PXK: variants seen among roughly 807,000 people sequenced by gnomAD.
PXK encodes the protein PX domain containing serine/threonine kinase like.
Under a neutral mutation model 84.7 loss-of-function variants are expected in PXK, and 35 were observed. The observed-to-expected ratio is 0.41, with a 90% CI of 0.32 to 0.55. The LOEUF is 0.55. PXK is among the 20% of genes least tolerant of loss of function. The probability of loss-of-function intolerance (pLI) is 0.21; values close to 1 mark genes in which losing one functional copy is unlikely to be tolerated. For missense variants in PXK, 634 were observed against 699.7 expected, an observed-to-expected ratio of 0.91 and a Z score of 1.06; for synonymous variants, 253 against 260.8, an observed-to-expected ratio of 0.97 and a Z score of 0.29.
intron 13 of PXK, 25 bp from the exon 14 acceptor site, chr3:58,408,899 A>T (rs1576689718): frequency 6.7e-7 from 1 of 1,501,722 alleles, no homozygotes; most frequent in East Asian, 2.3e-5. Context: ...TTTTCAATAG[A>T]TGATGTACTT....
At chr3:58,376,694 C>T (rs978036494) in intron 3 of PXK, among the ~76,000 whole-genome samples, 1 of 151,982 alleles carries the variant, frequency 6.6e-6, no homozygotes, top group Non-Finnish European at 1.5e-5. Flanking sequence ...GGCTGGAGTG[C>T]AGTGGTGCCA....
intron 1 of PXK, among the ~76,000 whole-genome samples, chr3:58,335,573 G>C (rs1354225895): frequency 7.2e-6 from 1 of 139,582 alleles, no homozygotes; most frequent in Non-Finnish European, 1.5e-5. Flanking sequence ...TGGCTTTCCA[G>C]CTTGGTAGCT....
At chr3:58,361,406 T>A (rs1364714907) in intron 1 of PXK, among the ~76,000 whole-genome samples, 1 of 152,042 alleles carries the variant, frequency 6.6e-6, no homozygotes, top group Non-Finnish European at 1.5e-5. Flanking sequence ...AACCAGGATA[T>A]TGACAGTGAT....
rs923660764 is a variant in PXK at position 58,411,654 on chromosome 3, T to C, written c.1466-1247T>C. Among the ~76,000 whole-genome samples, 1 of 152,176 alleles carries C rather than the reference T, an allele frequency of 6.6e-6. No homozygotes were observed. The highest frequency in any genetic ancestry group is 1.5e-5 in the Non-Finnish European group (1 of 68,020). Reference sequence around the variant, plus strand: ...TGCCTGCCTGCAAAGCTGTGTCACATGAAGCCAGGTAGGACTCAAGGACTT... The same window carrying C: ...TGCCTGCCTGCAAAGCTGTGTCACACGAAGCCAGGTAGGACTCAAGGACTT... On this transcript the variant is annotated intron_variant, in intron 16 of 17. Transcript: ENST00000356151. This position sits in a 1 kb window ranked among gnomAD's most constrained non-coding sequence, Gnocchi z 4.2.
At chr3:58,381,209 A>G (rs1050351133) in intron 3 of PXK, among the ~76,000 whole-genome samples, 2 of 142,168 alleles carry the variant, frequency 1.4e-5, no homozygotes, top group Non-Finnish European at 1.5e-5. Flanking sequence ...AGATCACGCC[A>G]CTGCACTCCA....
At chr3:58,361,849 G>A (rs1576012300) in intron 1 of PXK, among the ~76,000 whole-genome samples, 2 of 152,226 alleles carry the variant, frequency 1.3e-5, no homozygotes, top group African/African-American at 2.4e-5. Context: ...CATTTCTTTG[G>A]AATAAATGTC....
intron 4 of PXK, among the ~76,000 whole-genome samples, chr3:58,384,421 A>G (rs1560011796): frequency 1.3e-5 from 2 of 152,240 alleles, no homozygotes; most frequent in Non-Finnish European, 2.9e-5. Flanking sequence ...TTTCAAACTC[A>G]CACTTACTGT....
intron 2 of PXK, among the ~76,000 whole-genome samples, chr3:58,366,419 G>T (rs933901878): frequency 6.6e-6 from 1 of 152,142 alleles, no homozygotes; most frequent in Non-Finnish European, 1.5e-5. Flanking sequence ...GCTTTCTTCA[G>T]TGGTGGCCTC....
chr3:58,410,173 G>A lies in PXK; in HGVS notation c.1465+14G>A. On this transcript the variant is annotated intron_variant, in intron 16 of 17. Transcript: ENST00000356151. Reference sequence around the variant, plus strand: ...CCAATAATTCAGGTAACTGGTTATAGATGGTAGTGGGGCCCAGGACACAGA... The same window carrying A: ...CCAATAATTCAGGTAACTGGTTATAAATGGTAGTGGGGCCCAGGACACAGA... 1.3e-6 allele frequency: 2 copies of A among 1,548,630 alleles called. No individual in the cohort carries two copies. Among genetic ancestry groups the A allele is most frequent in the Non-Finnish European group, 1.8e-6 (2 of 1,120,160 alleles).
Position 58,333,033 on chromosome 3 carries a change from C to A in PXK, c.45C>A (p.Asp15Glu). The stretch of plus-strand genomic sequence containing the variant: ...CGCCAGCCGGCAAGGTGCTGCTGGA[C>A]GACACGGTGCCGCTGACAGCAGCCA... ...EKPPAGKVLL[D>E]DTVPLTAAIE... The change falls in exon 1 of 18, where the codon GAC becomes GAA. Residue 15 changes from aspartate to glutamate, a missense_variant. Asp to Glu is a conservative substitution (Grantham distance 45). Around this residue, in one of 3 missense-constraint regions of PXK, gnomAD observed 353 missense variants for 385.2 expected, o/e 0.92. Coordinates refer to ENST00000356151, the MANE Select transcript of PXK (RefSeq NM_017771.5). The surrounding 1 kb of genome is among the most constrained non-coding windows in gnomAD (Gnocchi z 5.4). 1 of 1,358,320 alleles carries A rather than the reference C, an allele frequency of 7.4e-7. No individual in the cohort carries two copies. The highest frequency in any genetic ancestry group is 1.5e-5 in the South Asian group (1 of 67,558). 84.1% of individuals were successfully genotyped at this position (1,358,320 alleles called of 1,614,324 possible).
rs565036354 is a variant in PXK, at chr3:58,397,625, C to T, written c.1005C>T (p.Val335=). ...RKINTLESVD[V]HCFGHLLYEM... ...CACAGACATTGGAAAGTGTGGATGTCCACTGCTTTGGCCACTTACTGTATG... is the reference window on the plus strand; with the variant it reads ...CACAGACATTGGAAAGTGTGGATGTTCACTGCTTTGGCCACTTACTGTATG... Residue 335 remains valine, a synonymous_variant, in exon 11 of 18, where the codon GTC becomes GTT. Transcript: ENST00000356151. This position sits in a 1 kb window ranked among gnomAD's most constrained non-coding sequence, Gnocchi z 4.7. 63 of 1,613,962 alleles carry T rather than the reference C, an allele frequency of 3.9e-5. No homozygotes were observed. In the South Asian group the frequency reaches 6.3e-4, roughly 16 times the overall value.
intron 1 of PXK, among the ~76,000 whole-genome samples, chr3:58,345,771 A>G (rs1230697139): frequency 1.3e-5 from 2 of 152,192 alleles, no homozygotes; most frequent in Non-Finnish European, 2.9e-5. Context: ...AAGGGAAAAA[A>G]TATTTATGTT....
At chr3:58,378,507 TTTTTTTGTGTGTGTGTGTGTG>T (rs1400312691) in intron 3 of PXK, among the ~76,000 whole-genome samples, 3 of 105,102 alleles carry the variant, frequency 2.9e-5, no homozygotes, top group Admixed American at 2.0e-4. Flanking sequence ...TTTTTTTTTT[TTTTTTTGTGTGTGTGTGTGTG>T]TGTGTGTGTG....
chr3:58,333,048 G>T lies in PXK; in HGVS notation c.60G>T (p.Leu20=). The T allele has an allele frequency of 7.4e-7, 1 of 1,346,382 alleles. No homozygotes were observed. 83.4% of individuals were successfully genotyped at this position (1,346,382 alleles called of 1,614,324 possible). ...GKVLLDDTVP[L]TAAIEASQSL... ...TGCTGCTGGACGACACGGTGCCGCT[G>T]ACAGCAGCCATCGAGGCGAGCCAGA... Residue 20 remains leucine, a synonymous_variant, in exon 1 of 18, where the codon CTG becomes CTT. Coordinates refer to ENST00000356151, the MANE Select transcript of PXK (RefSeq NM_017771.5). This position sits in a 1 kb window ranked among gnomAD's most constrained non-coding sequence, Gnocchi z 5.4.
At chr3:58,351,427 G>GTGTGTGTT (rs1460775041) in intron 1 of PXK, among the ~76,000 whole-genome samples, 3 of 147,650 alleles carry the variant, frequency 2.0e-5, no homozygotes, top group Non-Finnish European at 4.6e-5. Flanking sequence ...GTGTGTGTGT[G>GTGTGTGTT]TGTGTGTATT....
intron 12 of PXK, among the ~76,000 whole-genome samples, chr3:58,403,565 G>A (rs1470775564): frequency 6.6e-6 from 1 of 152,168 alleles, no homozygotes; most frequent in Non-Finnish European, 1.5e-5. Flanking sequence ...TTGCAAATTA[G>A]CATTCGCAAA....
intron 1 of PXK, among the ~76,000 whole-genome samples, chr3:58,339,840 G>A (rs553327545): frequency 1.1e-4 from 16 of 151,944 alleles, no homozygotes; most frequent in Non-Finnish European, 1.3e-4. Flanking sequence ...TTGAGATGGA[G>A]TTTCACCGTT....
At chr3:58,386,290 C>CTTTTTTTTT (rs752411806) in intron 4 of PXK, among the ~76,000 whole-genome samples, 908 of 82,220 alleles carry the variant, frequency 0.011, 100 homozygotes, top group African/African-American at 0.029. Context: ...ATCCCCCTTA[C>CTTTTTTTTT]TTTTTTTTTT....
chr3:58,390,554 CTAATGGGTTTCTAAAATGTCTTTG>C lies in PXK; in HGVS notation c.389-27_389-4del, dbSNP rs2098618140. On this transcript the variant is annotated splice_region_variant and splice_polypyrimidine_tract_variant and intron_variant, in intron 4 of 17. Transcript: ENST00000356151. This position sits in a 1 kb window ranked among gnomAD's most constrained non-coding sequence, Gnocchi z 4.2. Reference sequence around the variant, plus strand: ...TATGGCCCTTTCCTGATATGTCTGACTAATGGGTTTCTAAAATGTCTTTGCAGAGATTGCCTTGCAACAGGTTTC... The same window carrying C: ...TATGGCCCTTTCCTGATATGTCTGACCAGAGATTGCCTTGCAACAGGTTTC... 6.3e-7 allele frequency: 1 copy of C among 1,587,180 alleles called. No homozygotes were observed. The highest frequency in any genetic ancestry group is 1.1e-5 in the South Asian group (1 of 89,762).
Sources: gnomAD v4.1 joint callset for allele counts (sites outside exome capture counted in the v4.1 genomes callset) on GRCh38, gnomAD v4.1.1 for gene constraint, gnomAD v4.1.1 regional missense constraint, Gnocchi (gnomAD v3.1) non-coding constraint, MANE v1.5 for transcripts, NCBI Gene and HGNC (gene_info 2026-07-23, HGNC 2026-07-21) for gene names.